The following RANBP17 variants were observed in gnomAD, a reference collection of about 807,000 sequenced individuals.
The protein encoded by RANBP17 is RAN binding protein 17, also known as ran-binding protein 17.
In RANBP17, 158 loss-of-function variants were observed where a neutral mutation model predicts 141.2. The ratio of observed to expected loss-of-function variants is 1.12; its 90% CI spans 0.98 to 1.28. The LOEUF (loss-of-function observed/expected upper bound fraction) is 1.28. RANBP17 is among the 50% of genes most tolerant of loss of function. The pLI, the probability that RANBP17 is intolerant of heterozygous loss-of-function variation, is 0.00. For missense variants in RANBP17, 1,438 were observed against 1,290.7 expected, an observed-to-expected ratio of 1.11 and a Z score of -1.75; for synonymous variants, 430 against 450.0, an observed-to-expected ratio of 0.96 and a Z score of 0.56.
intron 13 of RANBP17, among the ~76,000 whole-genome samples, chr5:170,964,265 T>G (rs1337142287): frequency 6.6e-6 from 1 of 152,206 alleles, no homozygotes; most frequent in African/African-American, 2.4e-5. Context: ...TGAAATGACA[T>G]ATGCAAGATT....
chr5:171,152,275 C>T (rs1260231823), intron 14 of RANBP17, among the ~76,000 whole-genome samples: 2 of 151,656 alleles, frequency 1.3e-5, no homozygotes, highest in Non-Finnish European at 2.9e-5. Flanking sequence ...AAAAAATTAG[C>T]CAGGCATGGT....
At chr5:170,981,958 A>G (rs10037007) in intron 14 of RANBP17, among the ~76,000 whole-genome samples, 84,027 of 151,970 alleles carry the variant, frequency 0.55, 26,296 homozygotes, top group South Asian at 0.81. Context: ...ATTAGGATTA[A>G]TTATATTCCC....
intron 1 of RANBP17, among the ~76,000 whole-genome samples, chr5:170,868,028 A>G (rs917672128): frequency 2.6e-5 from 4 of 152,178 alleles, no homozygotes; most frequent in East Asian, 1.9e-4. Flanking sequence ...ATGCATGACT[A>G]TCAACACGTG....
intron 14 of RANBP17, among the ~76,000 whole-genome samples, chr5:170,997,195 G>A (rs1367516510): frequency 6.6e-6 from 1 of 152,170 alleles, no homozygotes; most frequent in African/African-American, 2.4e-5. Flanking sequence ...CTTCTGCCGT[G>A]ATTGTAAGTT....
intron 14 of RANBP17, among the ~76,000 whole-genome samples, chr5:171,063,391 A>G (rs1784051918): frequency 2.0e-5 from 3 of 152,202 alleles, no homozygotes; most frequent in African/African-American, 7.2e-5. Flanking sequence ...CAGGACCCTC[A>G]GCTGCAGGTC....
chr5:171,083,874 C>A (rs983959020), intron 14 of RANBP17, among the ~76,000 whole-genome samples: 3 of 152,066 alleles, frequency 2.0e-5, no homozygotes, highest in Non-Finnish European at 4.4e-5. Context: ...TCACCTTTTG[C>A]CATGATCGTA....
At chr5:171,290,367 C>CAAAAAAAAAAAAAAAAAAGAAAA (rs535661442) in intron 25 of RANBP17, among the ~76,000 whole-genome samples, 1 of 102,638 alleles carries the variant, frequency 9.7e-6, no homozygotes. Flanking sequence ...GACTCCGTCT[C>CAAAAAAAAAAAAAAAAAAGAAAA]AAAAAAAAAA....
chr5:170,962,549 C>T (rs1191687012), intron 13 of RANBP17, among the ~76,000 whole-genome samples: 1 of 152,160 alleles, frequency 6.6e-6, no homozygotes, highest in African/African-American at 2.4e-5. Flanking sequence ...AATCACTTGG[C>T]TCCAGAGATG....
chr5:171,169,688 A>G (rs1759961247), intron 14 of RANBP17, among the ~76,000 whole-genome samples: 1 of 98,880 alleles, frequency 1.0e-5, no homozygotes, highest in Non-Finnish European at 2.6e-5. Flanking sequence ...CCTTATTTTT[A>G]TAACTGCCTT....
intron 13 of RANBP17, among the ~76,000 whole-genome samples, chr5:170,960,429 C>T (rs1413859665): frequency 6.6e-6 from 1 of 152,178 alleles, no homozygotes; most frequent in Non-Finnish European, 1.5e-5. Context: ...TCATCTTTTC[C>T]ATCACCTAAC....
chr5:171,246,493 G>A (rs74369422), intron 24 of RANBP17, among the ~76,000 whole-genome samples: 510 of 152,164 alleles, frequency 3.4e-3, no homozygotes, highest in Non-Finnish European at 5.3e-3. Context: ...CCATTGTTTC[G>A]TATAATTTGT....
chr5:170,936,675 A>G (rs1450662710), intron 12 of RANBP17, among the ~76,000 whole-genome samples: 1 of 152,208 alleles, frequency 6.6e-6, no homozygotes, highest in African/African-American at 2.4e-5. Flanking sequence ...CGTAGCATAT[A>G]CACTTGAAAA....
chr5:171,213,333 A>G (rs1035295156), intron 20 of RANBP17, among the ~76,000 whole-genome samples: 1 of 152,196 alleles, frequency 6.6e-6, no homozygotes, highest in African/African-American at 2.4e-5. Context: ...TACTGCTTAT[A>G]TGATACTTTA....
intron 14 of RANBP17, among the ~76,000 whole-genome samples, chr5:171,103,896 A>T (rs1325373393): frequency 6.6e-6 from 1 of 152,062 alleles, no homozygotes. Flanking sequence ...GTGGTGCCCC[A>T]CCCACCCTTC....
At chr5:171,054,495 G>C (rs779180734) in intron 14 of RANBP17, among the ~76,000 whole-genome samples, 7 of 152,140 alleles carry the variant, frequency 4.6e-5, no homozygotes, top group Non-Finnish European at 7.4e-5. Context: ...TAGTGGGAGT[G>C]TTTTTTAGCA....
At chr5:170,986,770 A>C (rs1054464007) in intron 14 of RANBP17, among the ~76,000 whole-genome samples, 2 of 151,906 alleles carry the variant, frequency 1.3e-5, no homozygotes. Flanking sequence ...TTGAGTACAC[A>C]TATGAAGCAG....
chr5:171,258,379 A>T (rs1766064368), intron 24 of RANBP17, among the ~76,000 whole-genome samples: 1 of 152,108 alleles, frequency 6.6e-6, no homozygotes, highest in Admixed American at 6.5e-5. Flanking sequence ...TTTTTTTTTA[A>T]ATCCTAAAAT....
chr5:171,133,097 G>C (rs1315365205), intron 14 of RANBP17, among the ~76,000 whole-genome samples: 2 of 152,022 alleles, frequency 1.3e-5, no homozygotes, highest in Non-Finnish European at 2.9e-5. Flanking sequence ...TTTTGGCCAG[G>C]CTGGTCTCGA....
intron 22 of RANBP17, among the ~76,000 whole-genome samples, chr5:171,232,976 T>C (rs1177574786): frequency 6.6e-6 from 1 of 152,146 alleles, no homozygotes; most frequent in Non-Finnish European, 1.5e-5. Flanking sequence ...AAATGTGTAA[T>C]AAGAACAGCA....
Sources: allele counts gnomAD v4.1 joint callset (sites outside exome capture counted in the v4.1 genomes callset), GRCh38; gene constraint gnomAD v4.1.1; transcripts MANE v1.5; gene names NCBI Gene and HGNC (gene_info 2026-07-23, HGNC 2026-07-21).